The following FBXL7 variants were observed in gnomAD, a reference collection of about 807,000 sequenced individuals.
The protein encoded by FBXL7 is F-box and leucine rich repeat protein 7, also known as F-box/LRR-repeat protein 7.
A neutral mutation model predicts 38.3 loss-of-function variants in FBXL7; 12 were observed. That is an observed-to-expected ratio of 0.31 (90% CI 0.20 to 0.51). The LOEUF (loss-of-function observed/expected upper bound fraction) is 0.51. Among genes scored for constraint, FBXL7 ranks in the 20% least tolerant of loss-of-function variants. FBXL7 has a pLI of 0.98. For synonymous variants in FBXL7, 297 were observed against 300.9 expected (o/e 0.99, Z 0.13); for missense variants, 567 against 676.4 (o/e 0.84, Z 1.79).
intron 2 of FBXL7, among the ~76,000 whole-genome samples, chr5:15,840,221 G>A (rs1738705614): frequency 1.3e-5 from 2 of 152,164 alleles, no homozygotes; most frequent in South Asian, 2.1e-4. Flanking sequence ...ACCTTCAAGT[G>A]TGCCTTGAAA....
At chr5:15,736,280 A>G (rs1295183558) in intron 2 of FBXL7, among the ~76,000 whole-genome samples, 1 of 152,216 alleles carries the variant, frequency 6.6e-6, no homozygotes, top group Non-Finnish European at 1.5e-5. Flanking sequence ...ATTAAATTCC[A>G]TTAAATATTT....
chr5:15,878,399 T>C (rs1363878403), intron 2 of FBXL7, among the ~76,000 whole-genome samples: 1 of 152,172 alleles, frequency 6.6e-6, no homozygotes, highest in African/African-American at 2.4e-5. Flanking sequence ...CACTGATGGC[T>C]TCTTTCCCCC....
chr5:15,674,174 T>A (rs1227828574), intron 2 of FBXL7, among the ~76,000 whole-genome samples: 1 of 152,208 alleles, frequency 6.6e-6, no homozygotes, highest in African/African-American at 2.4e-5. Flanking sequence ...TAAGAACTAG[T>A]GATAATTCAT....
intron 2 of FBXL7, among the ~76,000 whole-genome samples, chr5:15,754,409 A>G: frequency 6.6e-6 from 1 of 152,166 alleles, no homozygotes; most frequent in East Asian, 1.9e-4. Context: ...GAGTTGGTGT[A>G]TTGGAGTCCA....
intron 1 of FBXL7, among the ~76,000 whole-genome samples, chr5:15,544,557 T>TAC (rs142884662): frequency 0.014 from 2,191 of 151,172 alleles, 28 homozygotes; most frequent in Non-Finnish European, 0.018. Flanking sequence ...GCCTGTACAT[T>TAC]ACACACACAC....
intron 2 of FBXL7, among the ~76,000 whole-genome samples, chr5:15,863,952 C>T (rs1375660553): frequency 6.6e-6 from 1 of 152,044 alleles, no homozygotes; most frequent in Non-Finnish European, 1.5e-5. Context: ...GTAGGTGGTT[C>T]CCTATCACTG....
In FBXL7 at chr5:15,822,982, G is replaced by A. The variant is rs187464529; in HGVS notation, c.128-104908G>A. ...GCTTATGACCATACCACCATTCCAG[G>A]GACCACTGAGATAAATTAAGTTGTC... is the stretch of plus-strand genomic sequence containing the variant. On this transcript the variant is annotated intron_variant, in intron 2 of 3. Transcript: ENST00000504595. Among the ~76,000 whole-genome samples, 11 of 151,884 alleles carry A rather than the reference G, an allele frequency of 7.2e-5. No individual in the cohort carries two copies. In the East Asian group the frequency reaches 2.1e-3, roughly 29 times the overall value.
intron 1 of FBXL7, among the ~76,000 whole-genome samples, chr5:15,590,576 A>G (rs1450107557): frequency 2.0e-5 from 3 of 151,856 alleles, no homozygotes; most frequent in Middle Eastern, 3.2e-3. Context: ...TGAATGCTCA[A>G]TGTTCCCTTT....
At chr5:15,916,683 G>C (rs1741593122) in intron 2 of FBXL7, among the ~76,000 whole-genome samples, 1 of 152,106 alleles carries the variant, frequency 6.6e-6, no homozygotes, top group Non-Finnish European at 1.5e-5. Flanking sequence ...ATGAAAAGGG[G>C]CTTTCACAAT....
chr5:15,801,089 T>C (rs257774), intron 2 of FBXL7, among the ~76,000 whole-genome samples: 88,320 of 152,040 alleles, frequency 0.58, 26,064 homozygotes, highest in Non-Finnish European at 0.64. Context: ...GCTCTTAGGA[T>C]GTTCAACTGA....
At chr5:15,918,238 CAAAAG>C (rs760175941) in intron 2 of FBXL7, among the ~76,000 whole-genome samples, 51 of 151,360 alleles carry the variant, frequency 3.4e-4, no homozygotes, top group Non-Finnish European at 6.3e-4. Flanking sequence ...GATTCCGTCT[CAAAAG>C]AAAAAAAGAA....
intron 3 of FBXL7, chr5:15,935,117 G>C: frequency 1.9e-6 from 1 of 531,872 alleles, no homozygotes; most frequent in Non-Finnish European, 3.9e-6. Flanking sequence ...TGGTGTGCGG[G>C]AAATGACAAG....
chr5:15,849,218 GT>G (rs1739019182), intron 2 of FBXL7, among the ~76,000 whole-genome samples: 1 of 152,216 alleles, frequency 6.6e-6, no homozygotes, highest in Non-Finnish European at 1.5e-5. Flanking sequence ...AATGCAGTGT[GT>G]GACTCCTCTC....
intron 2 of FBXL7, among the ~76,000 whole-genome samples, chr5:15,633,738 GATATT>G (rs1741073033): frequency 8.0e-6 from 1 of 125,656 alleles, no homozygotes; most frequent in Non-Finnish European, 1.6e-5. Flanking sequence ...TAGGGACACA[GATATT>G]ATTATTATTA....
Position 15,520,741 on chromosome 5 carries a change from T to C in FBXL7, c.37+20028T>C, listed in dbSNP as rs193111397. ...CAAAGAACAAAAATGCCTCAGTTTT[T>C]TCCTACCAGTTATGTTTTTTCTGTA... On this transcript the variant is annotated intron_variant, in intron 1 of 3. Coordinates refer to ENST00000504595, the MANE Select transcript of FBXL7 (RefSeq NM_012304.5). Among the ~76,000 whole-genome samples, 208 of 152,350 alleles carry C rather than the reference T, an allele frequency of 1.4e-3. 1 individual carries two copies. Among genetic ancestry groups the C allele is most frequent in the African/African-American group, 4.8e-3 (199 of 41,578 alleles).
intron 2 of FBXL7, among the ~76,000 whole-genome samples, chr5:15,917,789 T>C (rs1471374628): frequency 6.9e-6 from 1 of 144,334 alleles, no homozygotes; most frequent in Non-Finnish European, 1.5e-5. Flanking sequence ...TTTTTTTTTT[T>C]CATTAAAAAG....
chr5:15,626,543 C>CGT (rs1554010324), intron 2 of FBXL7, among the ~76,000 whole-genome samples: 2 of 103,582 alleles, frequency 1.9e-5, no homozygotes, highest in African/African-American at 6.9e-5. Flanking sequence ...AAATTCGTTT[C>CGT]CTGTGTGTGT....
At chr5:15,894,290 A>C (rs946929581) in intron 2 of FBXL7, among the ~76,000 whole-genome samples, 2 of 152,232 alleles carry the variant, frequency 1.3e-5, no homozygotes, top group African/African-American at 4.8e-5. Context: ...ACAAACAAAC[A>C]AACAAAAAAG....
chr5:15,678,311 G>C (rs1199537061), intron 2 of FBXL7, among the ~76,000 whole-genome samples: 1 of 152,134 alleles, frequency 6.6e-6, no homozygotes, highest in East Asian at 1.9e-4. Context: ...CCCTTTGCTT[G>C]GGATTCGGTG....
Sources: allele counts gnomAD v4.1 joint callset (sites outside exome capture counted in the v4.1 genomes callset), GRCh38; gene constraint gnomAD v4.1.1; transcripts MANE v1.5; gene names NCBI Gene and HGNC (gene_info 2026-07-23, HGNC 2026-07-21).